HAUS6: variants seen among roughly 807,000 people sequenced by gnomAD.
HAUS6 encodes the protein HAUS augmin like complex subunit 6, also known as HAUS augmin-like complex subunit 6.
Under a neutral mutation model 106.8 loss-of-function variants are expected in HAUS6, and 80 were observed. The ratio of observed to expected loss-of-function variants is 0.75; its 90% CI spans 0.63 to 0.90. The LOEUF (loss-of-function observed/expected upper bound fraction) is 0.90. HAUS6 is among the 40% of genes least tolerant of loss of function. The pLI is 0.00. For synonymous variants in HAUS6, 356 were observed against 379.1 expected, an observed-to-expected ratio of 0.94 and a Z score of 0.71; for missense variants, 1,155 against 1,118.1, an observed-to-expected ratio of 1.03 and a Z score of -0.47.
Position 19,078,286 on chromosome 9 carries a change from C to T in HAUS6, c.1081G>A (p.Asp361Asn), listed in dbSNP as rs768251644. Residue 361 changes from aspartate (D) to asparagine (N), a missense_variant, in exon 10 of 17, where the codon GAT (aspartate) becomes AAT (asparagine). Transcript: ENST00000380502. Reference sequence around the variant, plus strand: ...ACAGAATGTCTTATAGTTGTGAGATCATCTTTTATTCTATACCTATAATAG... The same window carrying T: ...ACAGAATGTCTTATAGTTGTGAGATTATCTTTTATTCTATACCTATAATAG... ...LKHMRYRIKD[D>N]LTTIRHSVVE... The T allele has an allele frequency of 3.4e-6, 5 of 1,491,136 alleles. No individual in the cohort carries two copies. In the South Asian group the frequency reaches 4.5e-5, roughly 14 times the overall value. 92.4% of individuals were successfully genotyped at this position (1,491,136 alleles called of 1,614,324 possible).
At position 19,083,116 on chromosome 9, in the gene HAUS6, C is replaced by G. The variant is rs981658537; in HGVS notation, c.700-73G>C. The G allele has an allele frequency of 1.4e-5, 11 of 770,670 alleles. No homozygotes were observed. The South Asian group carries it at 3.4e-4, about 24-fold the overall frequency. The allele number at this position is 770,670 out of a possible 1,614,324, so 47.7% of individuals were successfully genotyped here. A position where few individuals can be genotyped will look rare whatever the true frequency, so the allele number is the denominator to read the frequency against. ...TATTTTAAAAATGTAAATGTATGTT[C>G]ACTCTTAGTAACAAATTTCCTAGAA... On this transcript the variant is annotated intron_variant, in intron 7 of 16. Coordinates refer to ENST00000380502, the MANE Select transcript of HAUS6 (RefSeq NM_017645.5).
rs1681516050 is a variant in HAUS6, at chr9:19,096,690, T to C, written c.208A>G (p.Thr70Ala). The C allele has an allele frequency of 1.4e-6, 2 of 1,476,560 alleles. No individual in the cohort carries two copies. Among genetic ancestry groups the C allele is most frequent in the Non-Finnish European group, 1.8e-6 (2 of 1,081,846 alleles). The allele number at this position is 1,476,560 out of a possible 1,614,324, so 91.5% of individuals were successfully genotyped here. A position where few individuals can be genotyped will look rare whatever the true frequency, so the allele number is the denominator to read the frequency against. Residue 70 changes from threonine to alanine, a missense_variant, in exon 2 of 17, where the codon ACC becomes GCC. Transcript: ENST00000380502. ...TTTCCTTACTTGAAAACTTCTTTGG[T>C]GAGAGACTGGTCCAGAACTTGAAAC... ...FLFQVLDQSL[T>A]KEVFKFCWPP...
intron 12 of HAUS6, among the ~76,000 whole-genome samples, chr9:19,068,078 C>CT (rs2131111684): frequency 6.6e-6 from 1 of 151,900 alleles, no homozygotes; most frequent in Non-Finnish European, 1.5e-5. Flanking sequence ...CCCTATCAAT[C>CT]TTTAGTCCAG....
At chr9:19,089,837 T>C (rs1360162808) in intron 4 of HAUS6, 1 of 399,334 alleles carries the variant, frequency 2.5e-6, no homozygotes, top group Non-Finnish European at 4.5e-6. Context: ...TTTGGTATTT[T>C]GGGTTGTTTT....
intron 7 of HAUS6, among the ~76,000 whole-genome samples, chr9:19,085,290 A>C (rs956078003): frequency 1.3e-5 from 2 of 152,180 alleles, no homozygotes; most frequent in African/African-American, 4.8e-5. Flanking sequence ...ATATGAACCA[A>C]ACTCAGAAGA....
intron 10 of HAUS6, 42 bp from the exon 11 acceptor site, chr9:19,076,746 C>T: frequency 1.2e-6 from 1 of 836,976 alleles, no homozygotes; most frequent in Non-Finnish European, 2.1e-6. Flanking sequence ...AACATATTTG[C>T]TAACTACCAC....
At position 19,058,224 on chromosome 9, in the gene HAUS6, C is replaced by T; in HGVS notation, c.2543G>A (p.Arg848Lys). The T allele has an allele frequency of 6.2e-7, 1 of 1,613,858 alleles. No individual in the cohort carries two copies. The highest frequency in any genetic ancestry group is 1.1e-5 in the South Asian group (1 of 91,058). ...GGAATTCGAGAGGTAAGATTCTTCC[C>T]TTTTCTTGGAAAGAGATTTCTTCAG... is the stretch of plus-strand genomic sequence containing the variant. ...EALKKSLSKKREESYLSNSQT... is the reference protein window; with the variant it reads ...EALKKSLSKKKEESYLSNSQT... Residue 848 changes from arginine to lysine, a missense_variant, in exon 16 of 17, where the codon AGG becomes AAG. Transcript: ENST00000380502.
In HAUS6 at chr9:19,061,688, A is replaced by T. The variant is rs142882933; in HGVS notation, c.1629+1320T>A. On this transcript the variant is annotated intron_variant, in intron 14 of 16. Transcript: ENST00000380502. ...CAACTCTACAAAAAATAAAAAACTT[A>T]GCCAGGCAAAGTGGTGCACGCCTAT... Among the ~76,000 whole-genome samples the T allele has an allele frequency of 1.3e-3, 195 of 152,298 alleles. 1 individual carries two copies. Among genetic ancestry groups the T allele is most frequent in the African/African-American group, 4.5e-3 (185 of 41,562 alleles).
At chr9:19,059,056 C>T in intron 15 of HAUS6, 55 bp from the exon 16 acceptor site, 1 of 923,624 alleles carries the variant, frequency 1.1e-6, no homozygotes, top group Non-Finnish European at 1.7e-6. Context: ...ATAGAGCATG[C>T]AATGAATCAT....
intron 5 of HAUS6, among the ~76,000 whole-genome samples, chr9:19,088,277 A>C (rs961949259): frequency 6.6e-6 from 1 of 152,064 alleles, no homozygotes; most frequent in Admixed American, 6.6e-5. Context: ...TTAGCTAGGC[A>C]TGGTAGCATG....
intron 16 of HAUS6, 21 bp from the exon 17 acceptor site, chr9:19,056,425 A>C (rs776460106): frequency 2.2e-6 from 3 of 1,343,676 alleles, no homozygotes; most frequent in Non-Finnish European, 3.2e-6. Context: ...ATTTTAAAAA[A>C]GTATAAGCAA....
rs544917214 is a variant in HAUS6 at position 19,096,664 on chromosome 9, T to G, written c.224+10A>C. Reference sequence around the variant, plus strand: ...AAGAAATTTAAGAAAATGAAATTATTTTTCCTTACTTGAAAACTTCTTTGG... The same window carrying G: ...AAGAAATTTAAGAAAATGAAATTATGTTTCCTTACTTGAAAACTTCTTTGG... On this transcript the variant is annotated intron_variant, in intron 2 of 16. Coordinates refer to ENST00000380502, the MANE Select transcript of HAUS6 (RefSeq NM_017645.5). The G allele has an allele frequency of 3.0e-4, 363 of 1,228,176 alleles. 4 individuals carry two copies. In the South Asian group the frequency reaches 4.5e-3, roughly 15 times the overall value. The allele number at this position is 1,228,176 out of a possible 1,614,324, so 76.1% of individuals were successfully genotyped here. A position where few individuals can be genotyped will look rare whatever the true frequency, so the allele number is the denominator to read the frequency against.
intron 12 of HAUS6, chr9:19,065,080 G>A (rs796348395): frequency 1.3e-5 from 2 of 152,348 alleles, no homozygotes; most frequent in African/African-American, 2.4e-5. Context: ...AATGCCACTT[G>A]AGAATGGGGT....
chr9:19,083,601 G>A (rs1374284970), intron 7 of HAUS6, among the ~76,000 whole-genome samples: 2 of 151,964 alleles, frequency 1.3e-5, no homozygotes, highest in Non-Finnish European at 2.9e-5. Context: ...AGGAGATAGA[G>A]ACCATCCTGG....
chr9:19,096,914 G>A (rs1817877156), intron 1 of HAUS6, 145 bp from the exon 2 acceptor site: 2 of 466,312 alleles, frequency 4.3e-6, no homozygotes, highest in African/African-American at 4.1e-5. Context: ...TCATTCATGT[G>A]TATTTTATAA....
intron 4 of HAUS6, among the ~76,000 whole-genome samples, chr9:19,090,647 G>A (rs956254889): frequency 3.3e-5 from 5 of 152,228 alleles, no homozygotes; most frequent in African/African-American, 9.6e-5. Flanking sequence ...ATAGGCGTGA[G>A]CCACCTCGCC....
chr9:19,083,619 G>A (rs1012732924), intron 7 of HAUS6, among the ~76,000 whole-genome samples: 1 of 151,848 alleles, frequency 6.6e-6, no homozygotes, highest in African/African-American at 2.4e-5. Flanking sequence ...TGGCTAACAC[G>A]GTGAAACCCC....
In HAUS6 at chr9:19,056,383, C is replaced by CTCT; in HGVS notation, c.2825_2827dup (p.Lys942dup). 1 of 1,554,780 alleles carries CTCT rather than the reference C, an allele frequency of 6.4e-7. No individual in the cohort carries two copies. Among genetic ancestry groups the CTCT allele is most frequent in the Non-Finnish European group, 8.9e-7 (1 of 1,126,858 alleles). ...AGACGGTGGTTCTTTTGCATCAAGG[C>CTCT]TCTTATTCAAAATGTCTTCTTCTGC... On this transcript the variant is annotated inframe_insertion, in exon 17 of 17. Transcript: ENST00000380502.
chr9:19,090,911 T>A (rs1345633520), intron 4 of HAUS6, among the ~76,000 whole-genome samples: 1 of 152,190 alleles, frequency 6.6e-6, no homozygotes, highest in Non-Finnish European at 1.5e-5. Flanking sequence ...TACTTTAACA[T>A]GGTTCAATAC....
Sources: allele counts gnomAD v4.1 joint callset (sites outside exome capture counted in the v4.1 genomes callset), GRCh38; gene constraint gnomAD v4.1.1; transcripts MANE v1.5; gene names NCBI Gene and HGNC (gene_info 2026-07-23, HGNC 2026-07-21).